Variants in TANC1 observed in about 807,000 individuals in gnomAD.
TANC1 encodes tetratricopeptide repeat, ankyrin repeat and coiled-coil containing 1, also known as protein TANC1.
In TANC1, 77 loss-of-function variants were observed where a neutral mutation model predicts 149.7. The observed-to-expected ratio is 0.51, with a 90% confidence interval of 0.43 to 0.62. TANC1 has a LOEUF of 0.62. Ranked by LOEUF, TANC1 falls within the 20% of genes least tolerant of loss-of-function variation. The pLI is 0.00. For synonymous variants in TANC1, 854 were observed against 925.0 expected (o/e 0.92, Z 1.39); for missense variants, 1,985 against 2,321.8 (o/e 0.85, Z 2.98).
chr2:159,063,537 T>A (rs2149680372), intron 2 of TANC1, among the ~76,000 whole-genome samples: 1 of 152,268 alleles, frequency 6.6e-6, no homozygotes, highest in South Asian at 2.1e-4. Context: ...TCCTTTCCAG[T>A]CTGGGGGAGG....
At chr2:159,007,710 T>C (rs928155804) in intron 2 of TANC1, among the ~76,000 whole-genome samples, 2 of 152,220 alleles carry the variant, frequency 1.3e-5, no homozygotes, top group African/African-American at 4.8e-5. Flanking sequence ...GTAACTGTAT[T>C]CCTGAACGGA....
chr2:158,998,011 T>C (rs906066887), intron 1 of TANC1, among the ~76,000 whole-genome samples: 3 of 152,192 alleles, frequency 2.0e-5, no homozygotes, highest in African/African-American at 7.2e-5. Context: ...TGTTCAAACA[T>C]GAAGAAAAGT....
At chr2:159,179,793 A>T (rs919227356) in intron 14 of TANC1, among the ~76,000 whole-genome samples, 1 of 152,116 alleles carries the variant, frequency 6.6e-6, no homozygotes. Context: ...TCACAGTGGG[A>T]TGGGGAAGGA....
At chr2:158,995,419 AC>A (rs2036038809) in intron 1 of TANC1, among the ~76,000 whole-genome samples, 1 of 151,692 alleles carries the variant, frequency 6.6e-6, no homozygotes, top group Non-Finnish European at 1.5e-5. Context: ...ATCTTTGAAA[AC>A]CCTGAGCTAG....
intron 3 of TANC1, among the ~76,000 whole-genome samples, chr2:159,071,841 A>G (rs1333609868): frequency 6.6e-6 from 1 of 152,212 alleles, no homozygotes; most frequent in Non-Finnish European, 1.5e-5. Context: ...ATTCTCCAAA[A>G]GTGTTTCCCA....
chr2:159,224,002 T>G (rs1485725451), intron 22 of TANC1, among the ~76,000 whole-genome samples: 1 of 152,200 alleles, frequency 6.6e-6, no homozygotes, highest in Non-Finnish European at 1.5e-5. Flanking sequence ...TGGTAGCGTG[T>G]CCCCTGCTTT....
At chr2:159,096,350 T>G (rs775424111) in intron 3 of TANC1, among the ~76,000 whole-genome samples, 1 of 151,690 alleles carries the variant, frequency 6.6e-6, no homozygotes, top group Non-Finnish European at 1.5e-5. Flanking sequence ...TTCTTGTATA[T>G]ATTTTTTAAC....
intron 2 of TANC1, among the ~76,000 whole-genome samples, chr2:159,044,776 G>T (rs534650377): frequency 6.6e-6 from 1 of 152,296 alleles, no homozygotes; most frequent in African/African-American, 2.4e-5. Context: ...GGGGATGGGG[G>T]TCAAGATAAA....
intron 5 of TANC1, among the ~76,000 whole-genome samples, chr2:159,145,897 G>A (rs1236723441): frequency 6.6e-6 from 1 of 152,110 alleles, no homozygotes; most frequent in Non-Finnish European, 1.5e-5. Flanking sequence ...GAAAAGTGAA[G>A]TCTTCTCTCC....
chr2:158,985,930 C>G (rs138047189), intron 1 of TANC1, among the ~76,000 whole-genome samples: 1 of 152,164 alleles, frequency 6.6e-6, no homozygotes, highest in Non-Finnish European at 1.5e-5. Flanking sequence ...CATGAGCGAC[C>G]GCACCCAGCT....
intron 19 of TANC1, among the ~76,000 whole-genome samples, chr2:159,209,372 C>T (rs1373069517): frequency 6.6e-6 from 1 of 152,190 alleles, no homozygotes; most frequent in African/African-American, 2.4e-5. Context: ...AGAAGCCTTC[C>T]CCTCGCTCAG....
intron 2 of TANC1, among the ~76,000 whole-genome samples, chr2:159,005,317 G>A (rs914263269): frequency 1.3e-5 from 2 of 152,228 alleles, no homozygotes; most frequent in African/African-American, 4.8e-5. Flanking sequence ...AAGGCCAGGT[G>A]TGGTGGCTTA....
chr2:159,163,716 G>A (rs777023009), intron 8 of TANC1, among the ~76,000 whole-genome samples, 170 bp downstream of exon 8: 15 of 152,194 alleles, frequency 9.9e-5, no homozygotes, highest in Non-Finnish European at 2.1e-4. Context: ...CAATAAGGCT[G>A]TACTTAATGG....
At chr2:159,065,308 A>G (rs1215431471) in intron 2 of TANC1, among the ~76,000 whole-genome samples, 2 of 152,096 alleles carry the variant, frequency 1.3e-5, no homozygotes, top group Non-Finnish European at 2.9e-5. Flanking sequence ...CTTCCTATAT[A>G]TTGTAAAAAC....
intron 7 of TANC1, 197 bp downstream of exon 7, chr2:159,150,753 C>T: frequency 6.0e-6 from 3 of 499,146 alleles, no homozygotes; most frequent in South Asian, 5.6e-5. Flanking sequence ...TTGATGTTTA[C>T]TTTATAACAG....
rs6711913 is a variant in TANC1, at chr2:159,162,988, G to C, written c.683-295G>C. Among the ~76,000 whole-genome samples the C allele has an allele frequency of 3.9e-5, 6 of 152,082 alleles. No individual in the cohort carries two copies. The East Asian group carries it at 7.7e-4, about 20-fold the overall frequency. On this transcript the variant is annotated intron_variant, in intron 7 of 26. Coordinates refer to ENST00000263635, the MANE Select transcript of TANC1 (RefSeq NM_033394.3). ...TTAAAAAGAGGATACATTATCTCCA[G>C]GTTACATAATTTTACTCTTAACTCT...
At chr2:159,047,179 G>A (rs956546691) in intron 2 of TANC1, among the ~76,000 whole-genome samples, 1 of 141,020 alleles carries the variant, frequency 7.1e-6, no homozygotes, top group Non-Finnish European at 1.6e-5. Context: ...TATCCAAACT[G>A]AACTCATTTC....
chr2:159,158,334 TG>T (rs1203249691), intron 7 of TANC1, among the ~76,000 whole-genome samples: 1 of 152,050 alleles, frequency 6.6e-6, no homozygotes, highest in Non-Finnish European at 1.5e-5. Context: ...TACTCCAGCC[TG>T]GGCAACAGAG....
At chr2:159,216,165 C>T (rs955123049) in intron 19 of TANC1, among the ~76,000 whole-genome samples, 1 of 152,152 alleles carries the variant, frequency 6.6e-6, no homozygotes, top group Non-Finnish European at 1.5e-5. Flanking sequence ...AGCCTGGTTA[C>T]TAATGGGGCT....
Sources: gnomAD v4.1 joint callset for allele counts (sites outside exome capture counted in the v4.1 genomes callset) on GRCh38, gnomAD v4.1.1 for gene constraint, MANE v1.5 for transcripts, NCBI Gene and HGNC (gene_info 2026-07-23, HGNC 2026-07-21) for gene names.